GRAMD1B: variants seen among roughly 807,000 people sequenced by gnomAD.
GRAMD1B encodes protein Aster-B.
A neutral mutation model predicts 99.7 loss-of-function variants in GRAMD1B; 37 were observed. The ratio of observed to expected loss-of-function variants is 0.37; its 90% CI spans 0.29 to 0.49. The LOEUF (loss-of-function observed/expected upper bound fraction) is 0.49. Among genes scored for constraint, GRAMD1B ranks in the 20% least tolerant of loss-of-function variants. The pLI is 0.98. For synonymous variants in GRAMD1B, 427 were observed against 387.6 expected, an observed-to-expected ratio of 1.10 and a Z score of -1.19; for missense variants, 888 against 1,009.2, an observed-to-expected ratio of 0.88 and a Z score of 1.63.
intron 2 of GRAMD1B, among the ~76,000 whole-genome samples, chr11:123,493,475 T>G (rs777408161): frequency 2.0e-5 from 3 of 152,124 alleles, no homozygotes; most frequent in Non-Finnish European, 4.4e-5. Context: ...TGAGAAGTAA[T>G]GTTTGACTTC....
At chr11:123,520,499 G>A (rs1406279369) in intron 2 of GRAMD1B, among the ~76,000 whole-genome samples, 2 of 152,050 alleles carry the variant, frequency 1.3e-5, no homozygotes, top group South Asian at 2.1e-4. Flanking sequence ...AGGGGGGCGC[G>A]ATGGCTCACA....
intron 2 of GRAMD1B, among the ~76,000 whole-genome samples, chr11:123,505,789 T>C (rs1406711728): frequency 1.3e-5 from 2 of 152,116 alleles, no homozygotes; most frequent in African/African-American, 4.8e-5. Flanking sequence ...CACATCCTTA[T>C]GGGAACACAG....
At chr11:123,543,203 G>C (rs1944720858) in intron 2 of GRAMD1B, among the ~76,000 whole-genome samples, 1 of 152,172 alleles carries the variant, frequency 6.6e-6, no homozygotes, top group Admixed American at 6.5e-5. Flanking sequence ...GCCAACCATA[G>C]CCTCTCTGCC....
In GRAMD1B at chr11:123,610,420, G is replaced by A. The variant is rs999518025; in HGVS notation, c.1919+82G>A. ...TTCATTTGCTCCTGACGGGGAAGGA[G>A]GAGGTGGGGAGTGCTTGGCTGCTGA... is the stretch of plus-strand genomic sequence containing the variant. On this transcript the variant is annotated intron_variant, in intron 14 of 19. Transcript: ENST00000635736. This position sits in a 1 kb window ranked among gnomAD's most constrained non-coding sequence, Gnocchi z 4.1. The A allele has an allele frequency of 2.2e-6, 3 of 1,378,644 alleles. No homozygotes were observed. The African/African-American group carries it at 4.3e-5, about 20-fold the overall frequency. The allele number at this position is 1,378,644 out of a possible 1,614,324, so 85.4% of individuals were successfully genotyped here.
intron 1 of GRAMD1B, among the ~76,000 whole-genome samples, chr11:123,403,451 A>G (rs35019450): frequency 0.12 from 5,671 of 46,778 alleles, 121 homozygotes; most frequent in African/African-American, 0.25. Flanking sequence ...TGATGATGAT[A>G]ATAATAATAA....
At chr11:123,539,737 C>T (rs1192737958) in intron 2 of GRAMD1B, among the ~76,000 whole-genome samples, 1 of 152,234 alleles carries the variant, frequency 6.6e-6, no homozygotes, top group African/African-American at 2.4e-5. Context: ...TCACTCAGTC[C>T]ATTCTCTTAT....
intron 1 of GRAMD1B, chr11:123,480,597 A>C: frequency 1.1e-5 from 4 of 355,652 alleles, no homozygotes; most frequent in Non-Finnish European, 1.5e-5. Flanking sequence ...TTGGCTGGCA[A>C]CAGACAGTCT....
At chr11:123,395,912 T>A (rs1947441473) in intron 1 of GRAMD1B, among the ~76,000 whole-genome samples, 1 of 152,290 alleles carries the variant, frequency 6.6e-6, no homozygotes, top group South Asian at 2.1e-4. Context: ...CTTGCAGAAC[T>A]GTTGGGAAAC....
intron 1 of GRAMD1B, among the ~76,000 whole-genome samples, chr11:123,423,370 C>G (rs1948527115): frequency 6.6e-6 from 1 of 152,006 alleles, no homozygotes; most frequent in Non-Finnish European, 1.5e-5. Context: ...TTCTCTCTCT[C>G]CTTTTGCTCC....
chr11:123,379,816 C>T (rs528375451), intron 1 of GRAMD1B, among the ~76,000 whole-genome samples: 9 of 152,288 alleles, frequency 5.9e-5, no homozygotes, highest in Admixed American at 3.9e-4. Context: ...CATATATATG[C>T]GGGTTCTAAC....
At chr11:123,538,480 GTCAACTTTACATC>G (rs1944181515) in intron 2 of GRAMD1B, among the ~76,000 whole-genome samples, 1 of 152,032 alleles carries the variant, frequency 6.6e-6, no homozygotes, top group Admixed American at 6.5e-5. Context: ...TATTACCACA[GTCAACTTTACATC>G]TCAACACCTC....
chr11:123,481,166 C>T (rs1377502616), intron 2 of GRAMD1B, among the ~76,000 whole-genome samples: 1 of 152,142 alleles, frequency 6.6e-6, no homozygotes, highest in Admixed American at 6.5e-5. Flanking sequence ...GAAAAGACTT[C>T]ATACTGAGCA....
chr11:123,624,857 G>A lies in GRAMD1B; in HGVS notation c.*2262G>A, dbSNP rs1955406872. The A allele has an allele frequency of 6.6e-6, 1 of 152,222 alleles. No homozygotes were observed. 9.4% of individuals were successfully genotyped at this position (152,222 alleles called of 1,614,324 possible). ...AAGTGACAGAGCAGACCTGGCCGCA[G>A]GGAGTTGTTCTGCTTCTGCTTTACC... On this transcript the variant is annotated 3_prime_UTR_variant, in exon 20 of 20. Coordinates refer to ENST00000635736, the MANE Select transcript of GRAMD1B (RefSeq NM_001387025.1).
At chr11:123,452,032 CTA>C (rs1949911462) in intron 1 of GRAMD1B, among the ~76,000 whole-genome samples, 1 of 152,038 alleles carries the variant, frequency 6.6e-6, no homozygotes, top group Admixed American at 6.5e-5. Context: ...CAGGGTCTCA[CTA>C]TGTTTTCCGG....
intron 1 of GRAMD1B, among the ~76,000 whole-genome samples, chr11:123,457,894 T>C (rs1234846179): frequency 6.6e-6 from 1 of 152,072 alleles, no homozygotes; most frequent in Non-Finnish European, 1.5e-5. Flanking sequence ...TCTCCACTTT[T>C]TTGTAGAGAC....
intron 1 of GRAMD1B, among the ~76,000 whole-genome samples, chr11:123,380,531 T>C (rs1265272347): frequency 2.0e-5 from 3 of 152,340 alleles, no homozygotes; most frequent in African/African-American, 7.2e-5. Flanking sequence ...ATTAGGACTT[T>C]ATTATGACTT....
chr11:123,442,227 C>A (rs1949442263), intron 1 of GRAMD1B, among the ~76,000 whole-genome samples: 1 of 152,214 alleles, frequency 6.6e-6, no homozygotes, highest in Non-Finnish European at 1.5e-5. Context: ...ATGCCAATCA[C>A]AAGTTAGAGC....
At chr11:123,571,309 A>G (rs964344996) in intron 2 of GRAMD1B, among the ~76,000 whole-genome samples, 50 of 152,276 alleles carry the variant, frequency 3.3e-4, no homozygotes, top group African/African-American at 1.2e-3. Context: ...AAGAAAGCCA[A>G]GCAAAGTGGT....
intron 1 of GRAMD1B, among the ~76,000 whole-genome samples, chr11:123,422,623 A>T (rs1048986749): frequency 2.0e-5 from 3 of 152,174 alleles, no homozygotes; most frequent in Non-Finnish European, 4.4e-5. Context: ...TATGCTCCAA[A>T]TGTTCTTTTT....
Sources: allele counts gnomAD v4.1 joint callset (sites outside exome capture counted in the v4.1 genomes callset), GRCh38; gene constraint gnomAD v4.1.1; non-coding constraint Gnocchi (gnomAD v3.1); transcripts MANE v1.5; gene names NCBI Gene and HGNC (gene_info 2026-07-23, HGNC 2026-07-21).